MAGI2: variants seen among roughly 807,000 people sequenced by gnomAD.
MAGI2 encodes membrane-associated guanylate kinase, WW and PDZ domain-containing protein 2.
A neutral mutation model predicts 133.3 loss-of-function variants in MAGI2; 35 were observed. That is an observed-to-expected ratio of 0.26 (90% CI 0.20 to 0.35). The LOEUF (loss-of-function observed/expected upper bound fraction) is 0.35. Ranked by LOEUF, MAGI2 falls within the 10% of genes least tolerant of loss-of-function variation. The pLI is 1.00. For missense variants in MAGI2, 1,636 were observed against 1,863.4 expected (o/e 0.88, Z 2.25); for synonymous variants, 729 against 710.6 (o/e 1.03, Z -0.41).
chr7:78,221,996 G>C (rs1788878904), intron 10 of MAGI2, among the ~76,000 whole-genome samples: 1 of 152,074 alleles, frequency 6.6e-6, no homozygotes, highest in African/African-American at 2.4e-5. Flanking sequence ...GCTGTAGTGA[G>C]CTATGATTGC....
intron 2 of MAGI2, among the ~76,000 whole-genome samples, chr7:78,680,627 TTC>T (rs1815544312): frequency 6.6e-6 from 1 of 152,192 alleles, no homozygotes; most frequent in South Asian, 2.1e-4. Context: ...TGAGGAGTAA[TTC>T]TGTTTTTAAT....
intron 9 of MAGI2, among the ~76,000 whole-genome samples, chr7:78,290,841 G>A (rs1796629532): frequency 6.6e-6 from 1 of 152,128 alleles, no homozygotes; most frequent in African/African-American, 2.4e-5. Flanking sequence ...TGACTACTGG[G>A]TACATAATGA....
chr7:78,446,905 T>C (rs1020274731), intron 6 of MAGI2, among the ~76,000 whole-genome samples: 1 of 152,060 alleles, frequency 6.6e-6, no homozygotes, highest in African/African-American at 2.4e-5. Flanking sequence ...ACTATTATAC[T>C]TAACTTCAGG....
chr7:78,893,455 C>T (rs1031928252), intron 2 of MAGI2, among the ~76,000 whole-genome samples: 1 of 152,038 alleles, frequency 6.6e-6, no homozygotes, highest in African/African-American at 2.4e-5. Flanking sequence ...GCACTATTCA[C>T]AATAGCAAAG....
At chr7:79,362,105 T>C (rs1221902927) in intron 1 of MAGI2, among the ~76,000 whole-genome samples, 2 of 151,166 alleles carry the variant, frequency 1.3e-5, no homozygotes, top group Non-Finnish European at 3.0e-5. Context: ...GAAAACAATA[T>C]GAAAAATCAA....
At chr7:78,641,957 A>G (rs182988151) in intron 2 of MAGI2, among the ~76,000 whole-genome samples, 3 of 152,310 alleles carry the variant, frequency 2.0e-5, no homozygotes, top group African/African-American at 7.2e-5. Flanking sequence ...AGGGCATTGC[A>G]TCTTTTAGTG....
chr7:79,265,695 A>T lies in MAGI2; in HGVS notation c.301+187325T>A, dbSNP rs192256611. ...AGTAAGTTTTGAGTTAGATTTTTTT[A>T]AAATTAAAGAAGTTCTCATGGTGGG... On this transcript the variant is annotated intron_variant, in intron 1 of 21. Coordinates refer to ENST00000354212, the MANE Select transcript of MAGI2 (RefSeq NM_012301.4). Among the ~76,000 whole-genome samples, 1,506 of 152,222 alleles carry T rather than the reference A, an allele frequency of 9.9e-3. 12 individuals carry two copies. Among genetic ancestry groups the T allele is most frequent in the African/African-American group, 0.022 (925 of 41,534 alleles).
intron 2 of MAGI2, among the ~76,000 whole-genome samples, chr7:78,805,179 T>C (rs1241681583): frequency 1.3e-5 from 2 of 151,898 alleles, no homozygotes; most frequent in African/African-American, 4.8e-5. Flanking sequence ...AGAGATGCTG[T>C]CAAAGTTTTG....
At chr7:78,326,127 C>CA (rs1788556504) in intron 9 of MAGI2, among the ~76,000 whole-genome samples, 1 of 152,112 alleles carries the variant, frequency 6.6e-6, no homozygotes, top group Non-Finnish European at 1.5e-5. Context: ...TTAGAGACTC[C>CA]CAAGGACCAC....
At chr7:78,154,642 C>T (rs981872880) in intron 16 of MAGI2, among the ~76,000 whole-genome samples, 7 of 152,108 alleles carry the variant, frequency 4.6e-5, no homozygotes, top group African/African-American at 1.7e-4. Context: ...CCATGTGTGT[C>T]TACCTCATAT....
At chr7:78,465,385 G>C (rs1382244275) in intron 6 of MAGI2, among the ~76,000 whole-genome samples, 3 of 152,242 alleles carry the variant, frequency 2.0e-5, no homozygotes, top group East Asian at 3.9e-4. Flanking sequence ...CCTTACTAGA[G>C]AGCATGAGGT....
chr7:78,681,970 A>G (rs1302951467), intron 2 of MAGI2, among the ~76,000 whole-genome samples: 1 of 150,364 alleles, frequency 6.7e-6, no homozygotes, highest in African/African-American at 2.5e-5. Flanking sequence ...GGGCAAAGAC[A>G]AAAATGCAAT....
chr7:78,609,219 A>C (rs1563237707), intron 3 of MAGI2, among the ~76,000 whole-genome samples: 1 of 151,954 alleles, frequency 6.6e-6, no homozygotes, highest in Non-Finnish European at 1.5e-5. Flanking sequence ...TCACAGATAC[A>C]CCCAGGATCA....
chr7:79,439,964 T>C (rs1848391080), intron 1 of MAGI2, among the ~76,000 whole-genome samples: 2 of 152,054 alleles, frequency 1.3e-5, no homozygotes, highest in Non-Finnish European at 2.9e-5. Context: ...GGCCATCCAC[T>C]CCCCTGAAAT....
chr7:78,580,767 C>T (rs950380709), intron 3 of MAGI2, among the ~76,000 whole-genome samples: 2 of 152,088 alleles, frequency 1.3e-5, no homozygotes, highest in African/African-American at 4.8e-5. Context: ...CTATTTCTAT[C>T]CAACATTTGA....
At chr7:78,344,197 A>G (rs1273415712) in intron 8 of MAGI2, among the ~76,000 whole-genome samples, 1 of 152,150 alleles carries the variant, frequency 6.6e-6, no homozygotes, top group Admixed American at 6.6e-5. Context: ...TTGGAGACAG[A>G]CTTTTTGTCA....
chr7:79,034,726 G>T (rs1810946893), intron 1 of MAGI2, among the ~76,000 whole-genome samples: 1 of 87,122 alleles, frequency 1.1e-5, no homozygotes, highest in African/African-American at 4.1e-5. Flanking sequence ...GCAGGCAAAT[G>T]TGAAAAATCC....
chr7:78,571,910 T>C (rs1405052333), intron 3 of MAGI2, among the ~76,000 whole-genome samples: 1 of 152,204 alleles, frequency 6.6e-6, no homozygotes, highest in Non-Finnish European at 1.5e-5. Flanking sequence ...TTTGTAGACA[T>C]GGGCTCTTTC....
chr7:78,606,044 A>G (rs1412603611), intron 3 of MAGI2, among the ~76,000 whole-genome samples: 1 of 152,176 alleles, frequency 6.6e-6, no homozygotes. Context: ...TTCAGAAAGT[A>G]GACTTGAAAG....
Sources: allele counts gnomAD v4.1 joint callset (sites outside exome capture counted in the v4.1 genomes callset), GRCh38; gene constraint gnomAD v4.1.1; transcripts MANE v1.5; gene names NCBI Gene and HGNC (gene_info 2026-07-23, HGNC 2026-07-21).